ANTXR1: variants seen among roughly 807,000 people sequenced by gnomAD.
ANTXR1 encodes the protein ANTXR cell adhesion molecule 1.
In ANTXR1, 19 loss-of-function variants were observed where a neutral mutation model predicts 78.1. That is an observed-to-expected ratio of 0.24 (90% CI 0.17 to 0.36). The LOEUF (loss-of-function observed/expected upper bound fraction) is 0.36. Among genes scored for constraint, ANTXR1 ranks in the 10% least tolerant of loss-of-function variants. ANTXR1 has a pLI of 1.00. For synonymous variants in ANTXR1, 273 were observed against 260.5 expected (o/e 1.05, Z -0.46); for missense variants, 518 against 718.6 (o/e 0.72, Z 3.19).
chr2:69,029,591 A>G (rs141538066), intron 1 of ANTXR1, among the ~76,000 whole-genome samples: 4 of 152,038 alleles, frequency 2.6e-5, no homozygotes, highest in African/African-American at 9.6e-5. Flanking sequence ...ACAAAAAGGA[A>G]AGTGAGATTC....
chr2:69,125,700 G>A (rs1455929708), intron 12 of ANTXR1, among the ~76,000 whole-genome samples: 1 of 152,108 alleles, frequency 6.6e-6, no homozygotes, highest in Admixed American at 6.5e-5. Flanking sequence ...AATTAGCTGG[G>A]CATGATGTCG....
intron 9 of ANTXR1, among the ~76,000 whole-genome samples, chr2:69,095,781 C>A (rs1158032589): frequency 6.6e-6 from 1 of 152,158 alleles, no homozygotes; most frequent in Non-Finnish European, 1.5e-5. Flanking sequence ...CAGGAGAAAA[C>A]CTCCTCCGGG....
intron 1 of ANTXR1, among the ~76,000 whole-genome samples, chr2:69,020,320 C>A (rs896631868): frequency 6.6e-6 from 1 of 152,112 alleles, no homozygotes; most frequent in Non-Finnish European, 1.5e-5. Context: ...TGAGGCCAGG[C>A]AAGAGTTGGT....
chr2:69,205,923 T>C (rs759919484), intron 17 of ANTXR1, among the ~76,000 whole-genome samples: 2 of 152,246 alleles, frequency 1.3e-5, no homozygotes, highest in Admixed American at 1.3e-4. Context: ...TGTTTGAAAA[T>C]AGAAAATTCA....
At chr2:69,157,171 G>A (rs1166146281) in intron 13 of ANTXR1, among the ~76,000 whole-genome samples, 3 of 151,930 alleles carry the variant, frequency 2.0e-5, no homozygotes, top group Admixed American at 1.3e-4. Context: ...AGGCACTGTC[G>A]ACCTCTCTCT....
chr2:69,078,138 C>T (rs1428437624), intron 8 of ANTXR1, among the ~76,000 whole-genome samples: 1 of 152,188 alleles, frequency 6.6e-6, no homozygotes, highest in African/African-American at 2.4e-5. Flanking sequence ...GAATAGTAAA[C>T]AGGACACTGG....
At chr2:69,103,738 C>T (rs867929554) in intron 10 of ANTXR1, 8 of 155,602 alleles carry the variant, frequency 5.1e-5, no homozygotes, top group Non-Finnish European at 1.0e-4. Flanking sequence ...ATCTGGCATC[C>T]GTCACACAGA....
intron 2 of ANTXR1, among the ~76,000 whole-genome samples, chr2:69,043,209 C>G (rs4335981): frequency 0.055 from 8,418 of 152,202 alleles, 774 homozygotes; most frequent in African/African-American, 0.19. Flanking sequence ...GTCTGCCACT[C>G]CCCCACTGTG....
At chr2:69,102,042 G>A (rs960158977) in intron 9 of ANTXR1, among the ~76,000 whole-genome samples, 4 of 152,184 alleles carry the variant, frequency 2.6e-5, no homozygotes, top group Non-Finnish European at 5.9e-5. Flanking sequence ...TGCAGGCCAG[G>A]CAAGATATAT....
chr2:69,154,193 A>T (rs1055300466), intron 13 of ANTXR1, among the ~76,000 whole-genome samples: 2 of 152,180 alleles, frequency 1.3e-5, no homozygotes, highest in Non-Finnish European at 2.9e-5. Flanking sequence ...TTTTCAATGA[A>T]TTTATCTGGT....
intron 12 of ANTXR1, among the ~76,000 whole-genome samples, chr2:69,139,801 T>C (rs1472463636): frequency 1.3e-5 from 2 of 152,220 alleles, no homozygotes. Flanking sequence ...ATTGAGCATA[T>C]ACATTAAATA....
chr2:69,078,067 AGGGTTT>A (rs1450963187), intron 8 of ANTXR1, among the ~76,000 whole-genome samples: 2 of 152,190 alleles, frequency 1.3e-5, no homozygotes, highest in East Asian at 3.8e-4. Context: ...AGTGTTGTCC[AGGGTTT>A]GCACGGTCAC....
intron 3 of ANTXR1, among the ~76,000 whole-genome samples, chr2:69,049,100 T>G (rs1253822531): frequency 2.6e-5 from 4 of 152,136 alleles, no homozygotes; most frequent in Non-Finnish European, 4.4e-5. Flanking sequence ...TCTTCACTCT[T>G]GACTGGTGAA....
intron 8 of ANTXR1, among the ~76,000 whole-genome samples, chr2:69,085,440 G>A (rs997640094): frequency 1.3e-5 from 2 of 152,162 alleles, no homozygotes; most frequent in East Asian, 3.8e-4. Flanking sequence ...ATCAGACGAG[G>A]GGAGTATTAC....
At chr2:69,139,686 C>T (rs1673017232) in intron 12 of ANTXR1, among the ~76,000 whole-genome samples, 2 of 152,026 alleles carry the variant, frequency 1.3e-5, no homozygotes, top group African/African-American at 2.4e-5. Context: ...TTTCCAAGTT[C>T]GTAATCTAAA....
intron 17 of ANTXR1, among the ~76,000 whole-genome samples, chr2:69,242,126 C>A (rs1006843250): frequency 6.6e-6 from 1 of 152,110 alleles, no homozygotes; most frequent in Non-Finnish European, 1.5e-5. Flanking sequence ...TGGGCGTACC[C>A]CTAGGGTGTT....
rs1671034526 is a variant in ANTXR1, at chr2:69,085,892, T to C, written c.643-4967T>C. ...GCTAACTTAAACGTTCAGGTTTTTG[T>C]CTTAGACAACTGAACAGATGTAAAT... is the stretch of plus-strand genomic sequence containing the variant. On this transcript the variant is annotated intron_variant, in intron 8 of 17. Transcript: ENST00000303714. Among the ~76,000 whole-genome samples the C allele has an allele frequency of 2.0e-5, 3 of 152,230 alleles. No individual in the cohort carries two copies. The South Asian group carries it at 6.2e-4, about 31-fold the overall frequency.
intron 9 of ANTXR1, among the ~76,000 whole-genome samples, chr2:69,094,899 C>T (rs1042017700): frequency 2.0e-5 from 3 of 152,116 alleles, no homozygotes; most frequent in Admixed American, 6.5e-5. Flanking sequence ...GACTTAGTAA[C>T]AATTAACGGT....
rs537374428 is a variant in ANTXR1, at chr2:69,086,679, C to T, written c.643-4180C>T. ...GGCGTAAGCACATGTGAACCACGGT[C>T]CACGCCCAAAAGTAGCAGCAGTAGC... On this transcript the variant is annotated intron_variant, in intron 8 of 17. Coordinates refer to ENST00000303714, the MANE Select transcript of ANTXR1 (RefSeq NM_032208.3). Among the ~76,000 whole-genome samples the T allele has an allele frequency of 9.5e-5, 3 of 31,628 alleles. No individual in the cohort carries two copies. The East Asian group carries it at 3.9e-3, about 41-fold the overall frequency. 20.7% of individuals were successfully genotyped at this position (31,628 alleles called of 152,430 possible). A position where few individuals can be genotyped will look rare whatever the true frequency, so the allele number is the denominator to read the frequency against.
Sources: gnomAD v4.1 joint callset for allele counts (sites outside exome capture counted in the v4.1 genomes callset) on GRCh38, gnomAD v4.1.1 for gene constraint, MANE v1.5 for transcripts, NCBI Gene and HGNC (gene_info 2026-07-23, HGNC 2026-07-21) for gene names.